The following SCFD1 variants were observed in gnomAD, a reference collection of about 807,000 sequenced individuals.
SCFD1 encodes sec1 family domain containing 1, also known as sec1 family domain-containing protein 1.
Under a neutral mutation model 103.2 loss-of-function variants are expected in SCFD1, and 37 were observed. The ratio of observed to expected loss-of-function variants is 0.36; its 90% confidence interval spans 0.28 to 0.47. The LOEUF is 0.47. SCFD1 is among the 20% of genes least tolerant of loss of function. The probability of loss-of-function intolerance (pLI) is 1.00; values close to 1 mark genes in which losing one functional copy is unlikely to be tolerated. For missense variants in SCFD1, 639 were observed against 761.2 expected (o/e 0.84, Z 1.89); for synonymous variants, 264 against 245.0 (o/e 1.08, Z -0.73).
intron 7 of SCFD1, among the ~76,000 whole-genome samples, chr14:30,649,134 C>A (rs1199168224): frequency 1.3e-5 from 2 of 152,070 alleles, no homozygotes; most frequent in East Asian, 1.9e-4. Flanking sequence ...TGGGAAGGTT[C>A]ATTTCTGAAA....
chr14:30,727,921 G>A (rs1893166443), intron 23 of SCFD1, among the ~76,000 whole-genome samples: 1 of 152,132 alleles, frequency 6.6e-6, no homozygotes, highest in African/African-American at 2.4e-5. Context: ...TTAATTCCAA[G>A]CTTAGATAGG....
intron 9 of SCFD1, among the ~76,000 whole-genome samples, chr14:30,651,431 CTG>C (rs1266935356): frequency 2.0e-5 from 3 of 152,098 alleles, no homozygotes; most frequent in Admixed American, 6.5e-5. Context: ...CACACTAACA[CTG>C]TGTTTCAATT....
At chr14:30,728,838 C>CT (rs367747323) in intron 23 of SCFD1, among the ~76,000 whole-genome samples, 31,506 of 131,356 alleles carry the variant, frequency 0.24, 3,846 homozygotes, top group East Asian at 0.53. Context: ...TCCTTTGTCC[C>CT]TTTTTTTTTT....
chr14:30,696,459 CGATTTATCCCTAAAGA>C (rs1566639098), intron 15 of SCFD1, among the ~76,000 whole-genome samples: 1 of 152,084 alleles, frequency 6.6e-6, no homozygotes, highest in African/African-American at 2.4e-5. Context: ...CTTTCTCAAA[CGATTTATCCCTAAAGA>C]TATTTAAGTA....
intron 23 of SCFD1, among the ~76,000 whole-genome samples, chr14:30,732,273 T>A (rs1594780777): frequency 1.3e-5 from 2 of 152,228 alleles, no homozygotes; most frequent in African/African-American, 4.8e-5. Flanking sequence ...TAGTTTTGCT[T>A]CTTTTCTATC....
chr14:30,679,065 C>T (rs74041107), intron 14 of SCFD1, among the ~76,000 whole-genome samples: 4,196 of 152,190 alleles, frequency 0.028, 81 homozygotes, highest in African/African-American at 0.053. Flanking sequence ...GGAAGATAAG[C>T]TTTCAAAATA....
intron 14 of SCFD1, among the ~76,000 whole-genome samples, chr14:30,678,230 T>C (rs1211467726): frequency 6.6e-6 from 1 of 152,218 alleles, no homozygotes; most frequent in Non-Finnish European, 1.5e-5. Context: ...ATATTTCTTC[T>C]TTTGTTTAGA....
chr14:30,633,143 C>T (rs1254562328), intron 3 of SCFD1, among the ~76,000 whole-genome samples: 1 of 152,120 alleles, frequency 6.6e-6, no homozygotes, highest in East Asian at 1.9e-4. Flanking sequence ...TGAAAAAGAC[C>T]ACAACCTATG....
intron 17 of SCFD1, among the ~76,000 whole-genome samples, chr14:30,704,097 G>A (rs1255928870): frequency 6.6e-6 from 1 of 151,630 alleles, no homozygotes; most frequent in African/African-American, 2.4e-5. Flanking sequence ...CAAGAGGTCA[G>A]TGTGGAATTT....
chr14:30,705,405 C>G (rs557835026), intron 17 of SCFD1, among the ~76,000 whole-genome samples: 1 of 152,242 alleles, frequency 6.6e-6, no homozygotes, highest in African/African-American at 2.4e-5. Flanking sequence ...TACATCAGTT[C>G]TTTTTATTTA....
rs922547724 is a variant in SCFD1, at chr14:30,670,424, T to C, written c.995+29T>C. ...AGCAAAATATCAATAAGTAAAAGAT[T>C]CATTTTTTTAAAGAGAAATTAAGGT... is the stretch of plus-strand genomic sequence containing the variant. On this transcript the variant is annotated intron_variant, in intron 11 of 24. Coordinates refer to ENST00000458591, the MANE Select transcript of SCFD1 (RefSeq NM_016106.4). 10 of 1,463,232 alleles carry C rather than the reference T, an allele frequency of 6.8e-6. No individual in the cohort carries two copies. The Admixed American group carries it at 7.1e-5, about 10-fold the overall frequency. The allele number at this position is 1,463,232 out of a possible 1,614,324, so 90.6% of individuals were successfully genotyped here.
chr14:30,640,928 A>G (rs1430432264), intron 6 of SCFD1, among the ~76,000 whole-genome samples: 3 of 152,164 alleles, frequency 2.0e-5, no homozygotes, highest in African/African-American at 7.2e-5. Context: ...CTAATCACCC[A>G]GATTCTTAAT....
At chr14:30,722,291 T>C (rs1892701870) in intron 22 of SCFD1, among the ~76,000 whole-genome samples, 1 of 152,126 alleles carries the variant, frequency 6.6e-6, no homozygotes, top group Non-Finnish European at 1.5e-5. Flanking sequence ...TTCCTCTAAA[T>C]TGTTTCTGAA....
At chr14:30,701,506 G>A (rs1312310884) in intron 16 of SCFD1, among the ~76,000 whole-genome samples, 1 of 151,886 alleles carries the variant, frequency 6.6e-6, no homozygotes, top group Non-Finnish European at 1.5e-5. Context: ...AGTGAGCCAA[G>A]ATTGCTCCAC....
intron 14 of SCFD1, among the ~76,000 whole-genome samples, chr14:30,691,341 A>T (rs1451098913): frequency 6.6e-6 from 1 of 152,196 alleles, no homozygotes; most frequent in Non-Finnish European, 1.5e-5. Flanking sequence ...GGAGACATTT[A>T]ATGGATCACT....
intron 21 of SCFD1, among the ~76,000 whole-genome samples, chr14:30,721,009 G>A (rs1461512205): frequency 6.6e-6 from 1 of 152,138 alleles, no homozygotes; most frequent in Admixed American, 6.5e-5. Flanking sequence ...TCCCATCACA[G>A]TTAAATCTTG....
At chr14:30,651,662 A>G (rs756293203) in intron 9 of SCFD1, among the ~76,000 whole-genome samples, 47 of 152,034 alleles carry the variant, frequency 3.1e-4, no homozygotes, top group African/African-American at 1.0e-3. Flanking sequence ...AAACCAGTAT[A>G]AAGGCACTGT....
At chr14:30,701,702 C>G (rs1689562437) in intron 16 of SCFD1, among the ~76,000 whole-genome samples, 2 of 151,778 alleles carry the variant, frequency 1.3e-5, no homozygotes, top group South Asian at 4.2e-4. Flanking sequence ...TTTTTATTTA[C>G]TTTTGGTAAG....
intron 10 of SCFD1, chr14:30,658,387 T>A (rs1480763986): frequency 6.5e-6 from 1 of 154,162 alleles, no homozygotes; most frequent in African/African-American, 2.4e-5. Context: ...TTATTTTTTA[T>A]TTTATTTATT....
Sources: allele counts gnomAD v4.1 joint callset (sites outside exome capture counted in the v4.1 genomes callset), GRCh38; gene constraint gnomAD v4.1.1; transcripts MANE v1.5; gene names NCBI Gene and HGNC (gene_info 2026-07-23, HGNC 2026-07-21).